The following UBE4B variants were observed in gnomAD, a reference collection of about 807,000 sequenced individuals.
UBE4B encodes the protein ubiquitination factor E4B.
Under a neutral mutation model 148.1 loss-of-function variants are expected in UBE4B, and 27 were observed. The ratio of observed to expected loss-of-function variants is 0.18; its 90% CI spans 0.13 to 0.25. UBE4B has a LOEUF of 0.25. Ranked by LOEUF, UBE4B falls within the 10% of genes least tolerant of loss-of-function variation. The pLI is 1.00. For synonymous variants in UBE4B, 596 were observed against 619.3 expected (o/e 0.96, Z 0.56); for missense variants, 1,170 against 1,662.4 (o/e 0.70, Z 5.15).
At chr1:10,049,372 A>C (rs995110576) in intron 1 of UBE4B, among the ~76,000 whole-genome samples, 1 of 152,110 alleles carries the variant, frequency 6.6e-6, no homozygotes, top group Non-Finnish European at 1.5e-5. Flanking sequence ...TTGATGGGGC[A>C]GTTAATTCTG....
chr1:10,089,472 G>A (rs147929279), intron 2 of UBE4B, among the ~76,000 whole-genome samples: 97 of 150,322 alleles, frequency 6.5e-4, no homozygotes, highest in African/African-American at 1.9e-3. Context: ...CCACTGTACC[G>A]CAGCCCAGGT....
At chr1:10,179,318 TC>T in intron 26 of UBE4B, 97 bp from the exon 27 acceptor site, 1 of 1,495,998 alleles carries the variant, frequency 6.7e-7, no homozygotes, top group Non-Finnish European at 9.0e-7. Context: ...TGATTGCTGT[TC>T]CTTTGGATAG....
chr1:10,071,988 C>T (rs1233852502), intron 1 of UBE4B, 40 bp from the exon 2 acceptor site: 1 of 1,510,388 alleles, frequency 6.6e-7, no homozygotes, highest in Non-Finnish European at 8.8e-7. Context: ...TGTGTTTCTG[C>T]TGATTAGTTA....
chr1:10,056,405 A>G (rs1644170204), intron 1 of UBE4B, among the ~76,000 whole-genome samples: 1 of 152,188 alleles, frequency 6.6e-6, no homozygotes, highest in Non-Finnish European at 1.5e-5. Context: ...TCAAGTAAAC[A>G]CTTTTCATTT....
chr1:10,094,059 T>C (rs1262452323), intron 2 of UBE4B, among the ~76,000 whole-genome samples: 3 of 152,172 alleles, frequency 2.0e-5, no homozygotes, highest in Non-Finnish European at 1.5e-5. Context: ...TTTTAAAGTA[T>C]TTGCAAATGC....
intron 2 of UBE4B, among the ~76,000 whole-genome samples, chr1:10,082,227 G>C (rs561862840): frequency 6.6e-6 from 1 of 152,204 alleles, no homozygotes; most frequent in East Asian, 1.9e-4. Flanking sequence ...AGCTGGGCAT[G>C]GTGGCTCATG....
chr1:10,148,242 G>A (rs948580358), intron 19 of UBE4B, among the ~76,000 whole-genome samples: 15 of 150,610 alleles, frequency 1.0e-4, no homozygotes, highest in African/African-American at 2.9e-4. Context: ...AAAAAAAAAT[G>A]TGTGTAGCTC....
At chr1:10,152,769 G>A (rs1645998308) in intron 21 of UBE4B, among the ~76,000 whole-genome samples, 1 of 151,840 alleles carries the variant, frequency 6.6e-6, no homozygotes, top group Non-Finnish European at 1.5e-5. Context: ...GTGTGCTCCA[G>A]CCTAGGAGAA....
At chr1:10,119,651 G>T in intron 9 of UBE4B, 38 bp downstream of exon 9, 1 of 1,588,268 alleles carries the variant, frequency 6.3e-7, no homozygotes, top group South Asian at 1.1e-5. Context: ...TTAGCAGGCA[G>T]AGAGCCCTAG....
intron 2 of UBE4B, among the ~76,000 whole-genome samples, chr1:10,093,912 C>G (rs1644888993): frequency 6.6e-6 from 1 of 152,078 alleles, no homozygotes; most frequent in Non-Finnish European, 1.5e-5. Flanking sequence ...CCATGCTGGT[C>G]TCGAACTCCT....
intron 1 of UBE4B, among the ~76,000 whole-genome samples, chr1:10,046,337 C>T (rs772815035): frequency 2.6e-5 from 4 of 152,282 alleles, no homozygotes; most frequent in East Asian, 1.9e-4. Context: ...GAGACAACCC[C>T]GGATCAACTT....
In UBE4B at chr1:10,149,327, C is replaced by T. The variant is rs766124861; in HGVS notation, c.2690+45C>T. On this transcript the variant is annotated intron_variant, in intron 20 of 27. Coordinates refer to ENST00000343090, the MANE Select transcript of UBE4B (RefSeq NM_001105562.3). The stretch of plus-strand genomic sequence containing the variant: ...TACATAGTTCTAATATGTTTTTATG[C>T]ATAATAGTATAATATTCTGAGCTAT... The T allele has an allele frequency of 1.5e-5, 22 of 1,430,668 alleles. No homozygotes were observed. In the African/African-American group the frequency reaches 3.0e-4, roughly 20 times the overall value. 88.6% of individuals were successfully genotyped at this position (1,430,668 alleles called of 1,614,324 possible).
intron 2 of UBE4B, among the ~76,000 whole-genome samples, chr1:10,077,092 C>T (rs1034669574): frequency 6.6e-6 from 1 of 152,086 alleles, no homozygotes; most frequent in Non-Finnish European, 1.5e-5. Flanking sequence ...TTTCCTAGGG[C>T]TGCTGTAACA....
At chr1:10,150,596 T>C (rs1030987924) in intron 20 of UBE4B, among the ~76,000 whole-genome samples, 4 of 152,224 alleles carry the variant, frequency 2.6e-5, no homozygotes, top group African/African-American at 9.6e-5. Context: ...GTGCAATGGC[T>C]CATGCCTGTA....
At chr1:10,178,348 CA>C (rs199802380) in intron 25 of UBE4B, among the ~76,000 whole-genome samples, 2 of 149,714 alleles carry the variant, frequency 1.3e-5, no homozygotes. Flanking sequence ...TGTAAAAATT[CA>C]AAAAAAAAGC....
At chr1:10,173,978 G>A (rs1309876901) in intron 25 of UBE4B, among the ~76,000 whole-genome samples, 1 of 152,224 alleles carries the variant, frequency 6.6e-6, no homozygotes, top group African/African-American at 2.4e-5. Flanking sequence ...GGCTTGGGTT[G>A]TAGACAGCAG....
Position 10,076,203 on chromosome 1 carries a change from A to G in UBE4B, c.211+3989A>G, listed in dbSNP as rs1570834159. ...ATTTATTATCCACCGAATGTGATTGAGAGATTTTTGTTCCAGACTCAAAAA... is the reference window on the plus strand; with the variant it reads ...ATTTATTATCCACCGAATGTGATTGGGAGATTTTTGTTCCAGACTCAAAAA... On this transcript the variant is annotated intron_variant, in intron 2 of 27. Coordinates refer to ENST00000343090, the MANE Select transcript of UBE4B (RefSeq NM_001105562.3). Among the ~76,000 whole-genome samples the G allele has an allele frequency of 2.6e-5, 4 of 151,272 alleles. No homozygotes were observed. In the South Asian group the frequency reaches 8.4e-4, roughly 32 times the overall value.
intron 12 of UBE4B, 44 bp from the exon 13 acceptor site, chr1:10,130,456 C>A: frequency 6.7e-7 from 1 of 1,502,612 alleles, no homozygotes; most frequent in Non-Finnish European, 9.3e-7. Context: ...TTTACCCCAC[C>A]GGCCTGTTCA....
At chr1:10,063,104 A>C (rs2101816074) in intron 1 of UBE4B, among the ~76,000 whole-genome samples, 2 of 150,094 alleles carry the variant, frequency 1.3e-5, no homozygotes, top group East Asian at 4.0e-4. Flanking sequence ...CCCGTCTCTA[A>C]TAAAAATACA....
Sources: gnomAD v4.1 joint callset for allele counts (sites outside exome capture counted in the v4.1 genomes callset) on GRCh38, gnomAD v4.1.1 for gene constraint, MANE v1.5 for transcripts, NCBI Gene and HGNC (gene_info 2026-07-23, HGNC 2026-07-21) for gene names.